Variants in C4orf17 observed in about 807,000 individuals in gnomAD.
C4orf17 encodes the protein uncharacterized protein C4orf17.
A neutral mutation model predicts 32.0 loss-of-function variants in C4orf17; 25 were observed. That is an observed-to-expected ratio of 0.78 (90% confidence interval 0.57 to 1.09). C4orf17 has a LOEUF of 1.09. C4orf17 is among the 50% of genes least tolerant of loss of function. C4orf17 has a pLI of 0.00. For synonymous variants in C4orf17, 149 were observed against 145.8 expected, an observed-to-expected ratio of 1.02 and a Z score of -0.16; for missense variants, 420 against 420.0, an observed-to-expected ratio of 1.00 and a Z score of 0.00.
intron 4 of C4orf17, among the ~76,000 whole-genome samples, chr4:99,525,777 C>G (rs963806964): frequency 2.0e-5 from 3 of 148,486 alleles, no homozygotes; most frequent in Non-Finnish European, 3.0e-5. Context: ...CGCCTGGTGA[C>G]AGAGCAAGAT....
chr4:99,516,594 A>G lies in C4orf17; in HGVS notation c.127+3386A>G, dbSNP rs1240906712. On this transcript the variant is annotated intron_variant, in intron 2 of 8. Coordinates refer to ENST00000326581, the MANE Select transcript of C4orf17 (RefSeq NM_032149.3). ...CTGTAAAATGACATTAGTAACAATA[A>G]TATCTACAACGGGGTTAAGTATACA... 3.3e-5 allele frequency among the ~76,000 whole-genome samples: 5 copies of G among 152,216 alleles called. No homozygotes were observed. In the East Asian group the frequency reaches 7.7e-4, roughly 23 times the overall value.
At chr4:99,524,813 C>T (rs12641820) in intron 4 of C4orf17, among the ~76,000 whole-genome samples, 1 of 152,216 alleles carries the variant, frequency 6.6e-6, no homozygotes, top group Non-Finnish European at 1.5e-5. Flanking sequence ...AATGCACGTC[C>T]TCATCACTCC....
At chr4:99,535,926 TTTG>T (rs542353033) in intron 5 of C4orf17, 118 of 448,838 alleles carry the variant, frequency 2.6e-4, no homozygotes, top group Non-Finnish European at 4.1e-4. Flanking sequence ...TTGTGGCATC[TTTG>T]TTGTTGTTGT....
At chr4:99,530,197 G>A (rs1723455483) in intron 5 of C4orf17, among the ~76,000 whole-genome samples, 1 of 151,994 alleles carries the variant, frequency 6.6e-6, no homozygotes, top group South Asian at 2.1e-4. Context: ...TGAAAAGCTT[G>A]GTGTTTATCA....
At position 99,542,238 on chromosome 4, in the gene C4orf17, TAAAAA is replaced by T. The variant is rs1405157380; in HGVS notation, c.*130_*134del. ...CTCTTTATGGTGGCACATGTAAATCTAAAAATACCTGTATGTAATGCTACAAATAA... is the reference window on the plus strand; with the variant it reads ...CTCTTTATGGTGGCACATGTAAATCTTACCTGTATGTAATGCTACAAATAA... On this transcript the variant is annotated 3_prime_UTR_variant, in exon 9 of 9. Transcript: ENST00000326581. The T allele has an allele frequency of 8.3e-6, 6 of 727,068 alleles. No individual in the cohort carries two copies. Among genetic ancestry groups the T allele is most frequent in the Non-Finnish European group, 1.4e-5 (6 of 417,688 alleles). 45.0% of individuals were successfully genotyped at this position (727,068 alleles called of 1,614,324 possible).
chr4:99,518,395 G>A (rs1723221610), intron 2 of C4orf17, among the ~76,000 whole-genome samples: 1 of 147,782 alleles, frequency 6.8e-6, no homozygotes, highest in Non-Finnish European at 1.5e-5. Flanking sequence ...TGAGATAGGA[G>A]GATCACCTGA....
chr4:99,530,032 C>T lies in C4orf17; in HGVS notation c.546+74C>T. 9.3e-6 allele frequency: 11 copies of T among 1,186,410 alleles called. No homozygotes were observed. The South Asian group carries it at 1.9e-4, about 20-fold the overall frequency. The allele number at this position is 1,186,410 out of a possible 1,614,324, so 73.5% of individuals were successfully genotyped here. A position where few individuals can be genotyped will look rare whatever the true frequency, so the allele number is the denominator to read the frequency against. On this transcript the variant is annotated intron_variant, in intron 5 of 8. Coordinates refer to ENST00000326581, the MANE Select transcript of C4orf17 (RefSeq NM_032149.3). ...ACAAAAAAATTTATACCACTAGCATCCTTAAAACTCTTAAATGATTCCTTA... is the reference window on the plus strand; with the variant it reads ...ACAAAAAAATTTATACCACTAGCATTCTTAAAACTCTTAAATGATTCCTTA...
At position 99,524,534 on chromosome 4, in the gene C4orf17, A is replaced by C. The variant is rs751299077; in HGVS notation, c.351A>C (p.Lys117Asn). 1 of 1,601,526 alleles carries C rather than the reference A, an allele frequency of 6.2e-7. No individual in the cohort carries two copies. The highest frequency in any genetic ancestry group is 8.5e-7 in the Non-Finnish European group (1 of 1,170,454). The change falls in exon 4 of 9, where the codon AAA (lysine) becomes AAC (asparagine). Residue 117 changes from lysine (K) to asparagine (N), a missense_variant. Coordinates refer to ENST00000326581, the MANE Select transcript of C4orf17 (RefSeq NM_032149.3). Reference protein sequence around the residue: ...PPRPHSEPSRKIKECFKTSSE... With the variant: ...PPRPHSEPSRNIKECFKTSSE... ...ATTTTATTTCAGAGCCCAGTAGAAA[A>C]ATTAAAGAGTGCTTCAAAACTTCCA... is the stretch of plus-strand genomic sequence containing the variant.
At chr4:99,525,890 G>A (rs1178289859) in intron 4 of C4orf17, among the ~76,000 whole-genome samples, 1 of 151,776 alleles carries the variant, frequency 6.6e-6, no homozygotes, top group African/African-American at 2.4e-5. Context: ...GCATGTTTTT[G>A]CAAATATTTT....
intron 6 of C4orf17, among the ~76,000 whole-genome samples, chr4:99,538,414 G>T (rs1723594576): frequency 6.6e-6 from 1 of 152,182 alleles, no homozygotes; most frequent in African/African-American, 2.4e-5. Flanking sequence ...GATAATGCTG[G>T]TCTCAGCACT....
intron 1 of C4orf17, 73 bp downstream of exon 1, chr4:99,511,345 T>G (rs1723090237): frequency 6.6e-6 from 1 of 152,146 alleles, no homozygotes; most frequent in Non-Finnish European, 1.5e-5. Flanking sequence ...GTCCTCAAGT[T>G]CATTCTTTTT....
chr4:99,522,467 ATCTG>A (rs752703259), intron 2 of C4orf17, 29 bp from the exon 3 acceptor site: 1 of 1,538,390 alleles, frequency 6.5e-7, no homozygotes, highest in Non-Finnish European at 9.0e-7. Context: ...TGGTTGCTTG[ATCTG>A]TCTCTTTTTT....
intron 3 of C4orf17, among the ~76,000 whole-genome samples, chr4:99,523,236 G>C (rs555049754): frequency 1.3e-5 from 2 of 152,032 alleles, no homozygotes; most frequent in South Asian, 4.2e-4. Context: ...AAAAGGCACT[G>C]ATAAAAGTAA....
intron 4 of C4orf17, among the ~76,000 whole-genome samples, chr4:99,525,491 C>T (rs1453844412): frequency 6.6e-6 from 1 of 152,130 alleles, no homozygotes; most frequent in Non-Finnish European, 1.5e-5. Flanking sequence ...GATCTTTCGT[C>T]CACTTCTTAC....
chr4:99,529,493 A>G (rs182933441), intron 4 of C4orf17, among the ~76,000 whole-genome samples: 9 of 152,308 alleles, frequency 5.9e-5, no homozygotes, highest in African/African-American at 2.2e-4. Flanking sequence ...AATCTTCCCA[A>G]CTTAACAGCA....
In C4orf17 at chr4:99,515,845, AAAG is replaced by A. The variant is rs531029120; in HGVS notation, c.127+2638_127+2640del. Among the ~76,000 whole-genome samples, 114 of 152,276 alleles carry A rather than the reference AAAG, an allele frequency of 7.5e-4. 1 individual carries two copies. Among genetic ancestry groups the A allele is most frequent in the Non-Finnish European group, 1.5e-4 (10 of 68,016 alleles). On this transcript the variant is annotated intron_variant, in intron 2 of 8. Coordinates refer to ENST00000326581, the MANE Select transcript of C4orf17 (RefSeq NM_032149.3). Reference sequence around the variant, plus strand: ...CAAATAAACCAAGCTTTGTTGAAAAAAAGGGCAGATCCTGGAGATAGAGAAGAG... The same window carrying A: ...CAAATAAACCAAGCTTTGTTGAAAAAGGCAGATCCTGGAGATAGAGAAGAG...
chr4:99,512,780 A>C (rs745309280), intron 1 of C4orf17, among the ~76,000 whole-genome samples: 1 of 152,144 alleles, frequency 6.6e-6, no homozygotes. Context: ...GAAATCAAAC[A>C]CTTTGATTTT....
At position 99,513,226 on chromosome 4, in the gene C4orf17, CCTAGTA is replaced by C; in HGVS notation, c.127+19_127+24del. 2 of 1,613,360 alleles carry C rather than the reference CCTAGTA, an allele frequency of 1.2e-6. No homozygotes were observed. The highest frequency in any genetic ancestry group is 2.2e-5 in the South Asian group (2 of 91,046). ...CATCAAAGGTAAGGTGACTTAAGGT[CCTAGTA>C]TGTGTCTCTATTCTCTACACTTGGG... is the stretch of plus-strand genomic sequence containing the variant. On this transcript the variant is annotated intron_variant, in intron 2 of 8. Transcript: ENST00000326581.
chr4:99,536,139 C>G, intron 5 of C4orf17: 4 of 324,326 alleles, frequency 1.2e-5, no homozygotes, highest in Non-Finnish European at 2.4e-5. Flanking sequence ...GTTGCTGGCT[C>G]GAATGCTCCT....
Sources: allele counts gnomAD v4.1 joint callset (sites outside exome capture counted in the v4.1 genomes callset), GRCh38; gene constraint gnomAD v4.1.1; transcripts MANE v1.5; gene names NCBI Gene and HGNC (gene_info 2026-07-23, HGNC 2026-07-21).